Variants in FAM120B observed in about 807,000 individuals in gnomAD.
FAM120B encodes constitutive coactivator of peroxisome proliferator-activated receptor gamma.
FAM120B carries 83 observed loss-of-function variants against 96.3 expected under a neutral mutation model. The ratio of observed to expected loss-of-function variants is 0.86; its 90% CI spans 0.72 to 1.03. The LOEUF is 1.03. FAM120B is among the 50% of genes least tolerant of loss of function. The pLI is 0.00. For synonymous variants in FAM120B, 407 were observed against 402.7 expected, an observed-to-expected ratio of 1.01 and a Z score of -0.13; for missense variants, 1,027 against 1,121.2, an observed-to-expected ratio of 0.92 and a Z score of 1.20.
intron 5 of FAM120B, among the ~76,000 whole-genome samples, chr6:170,353,292 T>C (rs1787696198): frequency 6.6e-6 from 1 of 152,152 alleles, no homozygotes; most frequent in African/African-American, 2.4e-5. Context: ...CAGAACCAGA[T>C]GGATTCACAG....
intron 1 of FAM120B, among the ~76,000 whole-genome samples, chr6:170,313,402 A>G (rs1301837982): frequency 2.0e-5 from 3 of 152,232 alleles, no homozygotes; most frequent in Non-Finnish European, 4.4e-5. Context: ...AGGCCCAGCC[A>G]GAAGTTACCA....
chr6:170,385,849 A>G (rs541019599), intron 6 of FAM120B, among the ~76,000 whole-genome samples: 1 of 152,338 alleles, frequency 6.6e-6, no homozygotes, highest in South Asian at 2.1e-4. Context: ...ACTTAAATGC[A>G]TGTTACTAAG....
At chr6:170,380,550 A>G (rs4710718) in intron 6 of FAM120B, among the ~76,000 whole-genome samples, 48,671 of 152,088 alleles carry the variant, frequency 0.32, 9,118 homozygotes, top group East Asian at 0.9. Context: ...ATCCTAGGAC[A>G]TGGTGAGGTG....
chr6:170,337,874 A>G (rs1172290101), intron 4 of FAM120B, among the ~76,000 whole-genome samples: 1 of 151,688 alleles, frequency 6.6e-6, no homozygotes, highest in Admixed American at 6.6e-5. Flanking sequence ...ATCAGTGGTG[A>G]TATCCCCTTT....
At chr6:170,300,593 CT>C (rs1784120035) in intron 1 of FAM120B, among the ~76,000 whole-genome samples, 1 of 152,204 alleles carries the variant, frequency 6.6e-6, no homozygotes, top group South Asian at 2.1e-4. Context: ...TCCAAAGTGT[CT>C]GAAACAAGAC....
chr6:170,375,632 AGAAAT>A (rs1327898895), intron 6 of FAM120B, among the ~76,000 whole-genome samples: 1 of 152,252 alleles, frequency 6.6e-6, no homozygotes, highest in African/African-American at 2.4e-5. Context: ...TTTATTCAGT[AGAAAT>A]TTGAATTCCT....
chr6:170,307,245 G>C (rs1784348426), intron 1 of FAM120B, among the ~76,000 whole-genome samples: 1 of 152,174 alleles, frequency 6.6e-6, no homozygotes, highest in Non-Finnish European at 1.5e-5. Context: ...CGACTTTTCT[G>C]GTCGTCTCTA....
chr6:170,331,771 A>G (rs1430936191), intron 4 of FAM120B, among the ~76,000 whole-genome samples: 1 of 152,212 alleles, frequency 6.6e-6, no homozygotes, highest in East Asian at 1.9e-4. Flanking sequence ...AATTCCAGAA[A>G]TTGTATAAGT....
In FAM120B at chr6:170,391,027, C is replaced by T. The variant is rs769111959; in HGVS notation, c.2505C>T (p.Thr835=). The part of the protein sequence containing the change: ...VLLEQNRSRL[T]KFHNLKAVVC... The stretch of plus-strand genomic sequence containing the variant: ...TCTGTTTGCAGAGATCTCGGCTCAC[C>T]AAATTCCACAACCTGAAGGCAGTCG... Residue 835 remains threonine, a synonymous_variant, in exon 8 of 11, where the codon ACC becomes ACT. Transcript: ENST00000476287. 1 of 1,614,044 alleles carries T rather than the reference C, an allele frequency of 6.2e-7. No individual in the cohort carries two copies. The highest frequency in any genetic ancestry group is 1.7e-5 in the Admixed American group (1 of 60,002).
intron 3 of FAM120B, among the ~76,000 whole-genome samples, chr6:170,325,193 T>C (rs1010328887): frequency 6.6e-6 from 1 of 152,332 alleles, no homozygotes; most frequent in African/African-American, 2.4e-5. Context: ...ATGGTAATAC[T>C]CCTTGTCCTA....
At chr6:170,402,800 C>G (rs567604856) in intron 9 of FAM120B, among the ~76,000 whole-genome samples, 1 of 152,370 alleles carries the variant, frequency 6.6e-6, no homozygotes, top group Non-Finnish European at 1.5e-5. Flanking sequence ...TGTTTTACCA[C>G]TTCTGTTCTG....
rs150769696 is a variant in FAM120B at position 170,385,589 on chromosome 6, C to G, written c.2284-2698C>G. ...AAGTGGTGAAGCCACTCTGGATGGC[C>G]ATGAGGTGGTTTCTTAACAAAGCTA... On this transcript the variant is annotated intron_variant, in intron 6 of 10. Coordinates refer to ENST00000476287, the MANE Select transcript of FAM120B (RefSeq NM_032448.3). Among the ~76,000 whole-genome samples, 8 of 152,268 alleles carry G rather than the reference C, an allele frequency of 5.3e-5. No individual in the cohort carries two copies. In the East Asian group the frequency reaches 1.5e-3, roughly 29 times the overall value.
chr6:170,318,619 G>A lies in FAM120B; in HGVS notation c.1229G>A (p.Arg410Lys). Residue 410 changes from arginine to lysine, a missense_variant, in exon 2 of 11, where the codon AGG becomes AAG. This residue lies in a region of FAM120B where 880 missense variants were observed against 980.9 expected (regional missense o/e 0.90). Transcript: ENST00000476287. The part of the protein sequence containing the change: ...EVPMCSDPEP[R>K]QEVPMCTGPE... ...CCCATGTGTTCAGACCCTGAACCCA[G>A]GCAAGAAGTTCCCATGTGTACAGGC... 6.3e-7 allele frequency: 1 copy of A among 1,597,842 alleles called. No individual in the cohort carries two copies. The highest frequency in any genetic ancestry group is 1.3e-5 in the African/African-American group (1 of 74,804).
At chr6:170,344,695 C>A (rs566569125) in intron 4 of FAM120B, among the ~76,000 whole-genome samples, 29 of 152,222 alleles carry the variant, frequency 1.9e-4, no homozygotes, top group Non-Finnish European at 3.5e-4. Flanking sequence ...TTCCCCTAAT[C>A]GTTGCGTGGA....
intron 5 of FAM120B, among the ~76,000 whole-genome samples, chr6:170,355,352 G>A (rs1249838463): frequency 6.6e-6 from 1 of 152,186 alleles, no homozygotes; most frequent in Non-Finnish European, 1.5e-5. Context: ...TAAAGAAAAT[G>A]TGGTACATAT....
rs757990593 is a variant in FAM120B at position 170,348,361 on chromosome 6, C to T, written c.2190+38C>T. 3.1e-6 allele frequency: 5 copies of T among 1,590,124 alleles called. No homozygotes were observed. In the South Asian group the frequency reaches 3.4e-5, roughly 11 times the overall value. On this transcript the variant is annotated intron_variant, in intron 5 of 10. Coordinates refer to ENST00000476287, the MANE Select transcript of FAM120B (RefSeq NM_032448.3). ...TGCCCGTTCTAGTCACTGCAGCCTG[C>T]GCTTACTTTATGAGAGGGAGCATGT... is the stretch of plus-strand genomic sequence containing the variant.
intron 3 of FAM120B, among the ~76,000 whole-genome samples, chr6:170,323,725 A>C (rs1785433997): frequency 1.3e-5 from 2 of 152,120 alleles, no homozygotes; most frequent in African/African-American, 2.4e-5. Context: ...TGTTTTTGTA[A>C]TTTGTGTTTT....
chr6:170,323,893 G>A (rs1785442150), intron 3 of FAM120B, among the ~76,000 whole-genome samples: 1 of 152,192 alleles, frequency 6.6e-6, no homozygotes, highest in South Asian at 2.1e-4. Context: ...AATGAGGAGT[G>A]TGGAAGAACA....
chr6:170,318,785 A>G lies in FAM120B; in HGVS notation c.1395A>G (p.Thr465=). 2 of 1,613,354 alleles carry G rather than the reference A, an allele frequency of 1.2e-6. No homozygotes were observed. The highest frequency in any genetic ancestry group is 1.7e-6 in the Non-Finnish European group (2 of 1,179,750). ...SEPRQEVPMY[T]GPESRQEVPM... is the part of the protein sequence containing the mutation. ...CCAGGCAAGAAGTTCCCATGTATAC[A>G]GGCCCTGAATCCAGGCAAGAAGTTC... is the stretch of plus-strand genomic sequence containing the variant. Residue 465 remains threonine, a synonymous_variant, in exon 2 of 11, where the codon ACA becomes ACG. Coordinates refer to ENST00000476287, the MANE Select transcript of FAM120B (RefSeq NM_032448.3).
Sources: allele counts gnomAD v4.1 joint callset (sites outside exome capture counted in the v4.1 genomes callset), GRCh38; gene constraint gnomAD v4.1.1; regional missense constraint gnomAD v4.1.1; transcripts MANE v1.5; gene names NCBI Gene and HGNC (gene_info 2026-07-23, HGNC 2026-07-21).